Variants in UBXN2A observed in about 807,000 individuals in gnomAD.
UBXN2A encodes UBX domain-containing protein 2A.
UBXN2A carries 28 observed loss-of-function variants against 28.4 expected under a neutral mutation model. The observed-to-expected ratio is 0.99, with a 90% confidence interval of 0.73 to 1.35. The LOEUF is 1.35. Among genes scored for constraint, UBXN2A ranks in the 40% most tolerant of loss-of-function variants. The probability of loss-of-function intolerance (pLI) is 0.00; values close to 1 mark genes in which losing one functional copy is unlikely to be tolerated. For missense variants in UBXN2A, 253 were observed against 297.9 expected (o/e 0.85, Z 1.11); for synonymous variants, 97 against 103.6 (o/e 0.94, Z 0.39).
chr2:23,928,571 C>T (rs567709989), intron 1 of UBXN2A, among the ~76,000 whole-genome samples: 7 of 148,344 alleles, frequency 4.7e-5, no homozygotes, highest in African/African-American at 1.5e-4. Flanking sequence ...AATGAGACTC[C>T]ATCTCAAAAA....
intron 1 of UBXN2A, among the ~76,000 whole-genome samples, chr2:23,930,538 A>G (rs1705336432): frequency 6.6e-6 from 1 of 152,186 alleles, no homozygotes; most frequent in Non-Finnish European, 1.5e-5. Flanking sequence ...TTGAACCACA[A>G]AATTGTAGAC....
chr2:23,981,440 T>C (rs1707894579), intron 4 of UBXN2A, among the ~76,000 whole-genome samples: 1 of 117,452 alleles, frequency 8.5e-6, no homozygotes, highest in Admixed American at 1.2e-4. Context: ...TTGTTGCCAC[T>C]GGACTCCAGC....
intron 1 of UBXN2A, among the ~76,000 whole-genome samples, chr2:23,953,244 GT>G (rs976227692): frequency 6.6e-6 from 1 of 152,060 alleles, no homozygotes; most frequent in Non-Finnish European, 1.5e-5. Context: ...TTAGGGTAGA[GT>G]TTTTCATCCC....
At chr2:23,961,096 T>C (rs1706882520) in intron 2 of UBXN2A, among the ~76,000 whole-genome samples, 1 of 151,844 alleles carries the variant, frequency 6.6e-6, no homozygotes, top group South Asian at 2.1e-4. Context: ...TGAATTTTTT[T>C]TGTTTTTGTT....
At chr2:23,958,672 G>A (rs1706757477) in intron 2 of UBXN2A, among the ~76,000 whole-genome samples, 1 of 152,082 alleles carries the variant, frequency 6.6e-6, no homozygotes, top group Admixed American at 6.6e-5. Context: ...TGTCATAGTG[G>A]GAATATGGCT....
upstream of UBXN2A, among the ~76,000 whole-genome samples, chr2:23,936,772 G>A (rs557298059): frequency 3.5e-4 from 53 of 152,182 alleles, no homozygotes; most frequent in African/African-American, 1.2e-3. Flanking sequence ...GTGCAGTGGC[G>A]TGATCTCGGC....
intron 1 of UBXN2A, among the ~76,000 whole-genome samples, chr2:23,932,506 C>T (rs1213351077): frequency 2.0e-5 from 3 of 151,538 alleles, no homozygotes; most frequent in Admixed American, 2.0e-4. Flanking sequence ...GCAAGGAGAA[C>T]TGCCCACCTT....
At chr2:23,971,858 G>A (rs1377804589) in intron 3 of UBXN2A, among the ~76,000 whole-genome samples, 3 of 152,014 alleles carry the variant, frequency 2.0e-5, no homozygotes, top group Non-Finnish European at 4.4e-5. Context: ...CAGCACTTTA[G>A]GAGACTGAGG....
At chr2:23,928,401 C>G (rs889602469) in intron 1 of UBXN2A, among the ~76,000 whole-genome samples, 1 of 152,000 alleles carries the variant, frequency 6.6e-6, no homozygotes, top group African/African-American at 2.4e-5. Flanking sequence ...CATGGTGAAA[C>G]CCCCTCTCTA....
chr2:23,982,648 T>C (rs1442103061), intron 4 of UBXN2A, among the ~76,000 whole-genome samples: 2 of 152,110 alleles, frequency 1.3e-5, no homozygotes, highest in Admixed American at 6.6e-5. Context: ...AATATATGCT[T>C]TCACAATAAA....
chr2:23,947,678 A>G (rs1001403345), intron 1 of UBXN2A, among the ~76,000 whole-genome samples: 4 of 152,180 alleles, frequency 2.6e-5, no homozygotes, highest in African/African-American at 9.7e-5. Flanking sequence ...TAATTTTTAC[A>G]TCATAATTCT....
intron 3 of UBXN2A, 128 bp from the exon 4 acceptor site, chr2:23,976,841 G>A (rs144566073): frequency 0.017 from 11,182 of 647,558 alleles, 124 homozygotes; most frequent in Middle Eastern, 0.031. Context: ...TTGGCCTCCC[G>A]AAGTGCTGGG....
At chr2:23,945,857 A>T in intron 1 of UBXN2A, among the ~76,000 whole-genome samples, 1 of 144,302 alleles carries the variant, frequency 6.9e-6, no homozygotes, top group African/African-American at 2.6e-5. Context: ...ACAGGGTCTC[A>T]CTCTGTCACC....
chr2:23,942,715 G>A (rs983962457), intron 1 of UBXN2A, among the ~76,000 whole-genome samples: 1 of 151,592 alleles, frequency 6.6e-6, no homozygotes, highest in Non-Finnish European at 1.5e-5. Flanking sequence ...CACCGTGCCC[G>A]GCTGATGCAG....
chr2:23,952,601 C>T (rs1010868040), intron 1 of UBXN2A, among the ~76,000 whole-genome samples: 7 of 152,086 alleles, frequency 4.6e-5, no homozygotes, highest in Non-Finnish European at 1.0e-4. Context: ...CGTGCTACCA[C>T]GCCTGGCTAA....
At chr2:23,946,719 G>A (rs907634464) in intron 1 of UBXN2A, among the ~76,000 whole-genome samples, 1 of 152,020 alleles carries the variant, frequency 6.6e-6, no homozygotes, top group Non-Finnish European at 1.5e-5. Context: ...GCCTCCCAAA[G>A]TGCTGGGATT....
At chr2:23,988,212 A>G (rs1330417827) in intron 6 of UBXN2A, among the ~76,000 whole-genome samples, 1 of 152,156 alleles carries the variant, frequency 6.6e-6, no homozygotes, top group African/African-American at 2.4e-5. Context: ...TGAAATACTT[A>G]GGTATAGATT....
chr2:23,936,408 TAG>T (rs1207361427), upstream of UBXN2A, among the ~76,000 whole-genome samples: 1 of 152,044 alleles, frequency 6.6e-6, no homozygotes, highest in Non-Finnish European at 1.5e-5. Flanking sequence ...GGCAAATTCA[TAG>T]AGACAGAAAG....
intron 1 of UBXN2A, chr2:23,944,379 C>G (rs1705933674): frequency 1.4e-6 from 2 of 1,397,256 alleles, no homozygotes; most frequent in Admixed American, 1.7e-5. Context: ...CATCATCTTC[C>G]TACACATTAT....
Sources: allele counts gnomAD v4.1 joint callset (sites outside exome capture counted in the v4.1 genomes callset), GRCh38; gene constraint gnomAD v4.1.1; transcripts MANE v1.5; gene names NCBI Gene and HGNC (gene_info 2026-07-23, HGNC 2026-07-21).